Variants in TSPAN18 observed in about 807,000 individuals in gnomAD.
The protein encoded by TSPAN18 is tetraspanin-18.
TSPAN18 carries 14 observed loss-of-function variants against 27.3 expected under a neutral mutation model. The ratio of observed to expected loss-of-function variants is 0.51; its 90% confidence interval spans 0.34 to 0.80. TSPAN18 has a LOEUF of 0.80. Among genes scored for constraint, TSPAN18 ranks in the 30% least tolerant of loss-of-function variants. The pLI, the probability that TSPAN18 is intolerant of heterozygous loss-of-function variation, is 0.01. For missense variants in TSPAN18, 268 were observed against 323.9 expected, an observed-to-expected ratio of 0.83 and a Z score of 1.32; for synonymous variants, 143 against 136.5, an observed-to-expected ratio of 1.05 and a Z score of -0.33.
At chr11:44,897,432 C>T (rs1473387373) in intron 3 of TSPAN18, among the ~76,000 whole-genome samples, 2 of 152,204 alleles carry the variant, frequency 1.3e-5, no homozygotes. Context: ...ATCATCTCCT[C>T]CCAGGCCATC....
chr11:44,783,315 ACT>A (rs1185149760), intron 2 of TSPAN18, among the ~76,000 whole-genome samples: 6 of 152,204 alleles, frequency 3.9e-5, no homozygotes, highest in Admixed American at 3.3e-4. Flanking sequence ...ATCGAAACAC[ACT>A]GTTAGGAAAA....
At chr11:44,836,333 C>T (rs115832880) in intron 2 of TSPAN18, among the ~76,000 whole-genome samples, 3,471 of 152,294 alleles carry the variant, frequency 0.023, 133 homozygotes, top group African/African-American at 0.077. Context: ...ACAAAATTCT[C>T]GTAAGCCAAA....
chr11:44,846,760 C>A lies in TSPAN18; in HGVS notation c.-152-13568C>A, dbSNP rs73452552. ...TACAGCCTCTCCAGGTAGGAAGGTGCCCCTTTGTCAGGGAAGTTCTTCTCC... is the reference window on the plus strand; with the variant it reads ...TACAGCCTCTCCAGGTAGGAAGGTGACCCTTTGTCAGGGAAGTTCTTCTCC... On this transcript the variant is annotated intron_variant, in intron 2 of 9. Transcript: ENST00000520358. Among the ~76,000 whole-genome samples, 168 of 152,268 alleles carry A rather than the reference C, an allele frequency of 1.1e-3. 1 individual carries two copies. Among genetic ancestry groups the A allele is most frequent in the African/African-American group, 4.0e-3 (166 of 41,544 alleles).
At chr11:44,783,523 C>T (rs541232649) in intron 2 of TSPAN18, among the ~76,000 whole-genome samples, 1 of 152,016 alleles carries the variant, frequency 6.6e-6, no homozygotes, top group African/African-American at 2.4e-5. Context: ...CTCAGCCTCC[C>T]GAGTAGCTGG....
At chr11:44,916,243 C>T (rs779756343) in intron 5 of TSPAN18, among the ~76,000 whole-genome samples, 1 of 152,218 alleles carries the variant, frequency 6.6e-6, no homozygotes, top group African/African-American at 2.4e-5. Context: ...AGAAGGCAGC[C>T]GCTGTGGATG....
intron 1 of TSPAN18, among the ~76,000 whole-genome samples, chr11:44,748,206 G>A (rs571665756): frequency 1.3e-5 from 2 of 152,254 alleles, no homozygotes; most frequent in Non-Finnish European, 2.9e-5. Context: ...CCAGGAGTTC[G>A]AAGCCAGCCT....
At chr11:44,826,961 G>A (rs1296074607) in intron 2 of TSPAN18, among the ~76,000 whole-genome samples, 1 of 152,214 alleles carries the variant, frequency 6.6e-6, no homozygotes, top group African/African-American at 2.4e-5. Context: ...GGGGGCAGGA[G>A]GGACTCTGTC....
intron 6 of TSPAN18, 93 bp downstream of exon 6, chr11:44,918,139 C>T: frequency 7.6e-7 from 1 of 1,317,262 alleles, no homozygotes; most frequent in Non-Finnish European, 1.1e-6. Flanking sequence ...TGAAGGGTCT[C>T]AGAGAGTGGG....
chr11:44,872,824 TAG>T (rs1858231656), intron 3 of TSPAN18, among the ~76,000 whole-genome samples: 1 of 152,164 alleles, frequency 6.6e-6, no homozygotes, highest in Non-Finnish European at 1.5e-5. Context: ...AATAATATTA[TAG>T]TTAATATTAA....
intron 8 of TSPAN18, among the ~76,000 whole-genome samples, chr11:44,923,682 C>A (rs1393208649): frequency 6.6e-6 from 1 of 152,182 alleles, no homozygotes; most frequent in Non-Finnish European, 1.5e-5. Flanking sequence ...TCCTCCCTCC[C>A]TTTTCTTGTG....
intron 5 of TSPAN18, among the ~76,000 whole-genome samples, chr11:44,917,426 G>A (rs1590688579): frequency 6.6e-6 from 1 of 152,192 alleles, no homozygotes; most frequent in Non-Finnish European, 1.5e-5. Context: ...TTGAGATTTG[G>A]TAGTCATACC....
At chr11:44,861,249 G>A (rs1325232149) in intron 3 of TSPAN18, among the ~76,000 whole-genome samples, 1 of 151,866 alleles carries the variant, frequency 6.6e-6, no homozygotes, top group African/African-American at 2.4e-5. Flanking sequence ...TTTCCCAGGC[G>A]GTCCAACAAA....
At chr11:44,890,728 G>A (rs1022817784) in intron 3 of TSPAN18, among the ~76,000 whole-genome samples, 13 of 121,954 alleles carry the variant, frequency 1.1e-4, no homozygotes, top group African/African-American at 4.2e-4. Flanking sequence ...TGGCAACAGA[G>A]CAAGACTCCA....
At chr11:44,894,472 G>T (rs80296037) in intron 3 of TSPAN18, among the ~76,000 whole-genome samples, 7,803 of 152,226 alleles carry the variant, frequency 0.051, 270 homozygotes, top group Non-Finnish European at 0.074. Flanking sequence ...GCCTGGGGGC[G>T]GGGGGGAGTG....
intron 2 of TSPAN18, among the ~76,000 whole-genome samples, chr11:44,814,105 T>C (rs1193917364): frequency 6.6e-6 from 1 of 152,194 alleles, no homozygotes; most frequent in Non-Finnish European, 1.5e-5. Context: ...AAATGCCTCA[T>C]TGTTTGTGGC....
At chr11:44,802,624 C>T (rs1045199743) in intron 2 of TSPAN18, among the ~76,000 whole-genome samples, 4 of 151,364 alleles carry the variant, frequency 2.6e-5, no homozygotes, top group African/African-American at 9.7e-5. Context: ...CACACACACA[C>T]ACACACACAC....
chr11:44,886,665 G>C (rs1457026946), intron 3 of TSPAN18: 1 of 152,216 alleles, frequency 6.6e-6, no homozygotes, highest in Admixed American at 6.5e-5. Context: ...ACTTAAGGAG[G>C]AGACGTGGGA....
At chr11:44,729,362 G>T (rs553650496) in intron 1 of TSPAN18, among the ~76,000 whole-genome samples, 9 of 152,136 alleles carry the variant, frequency 5.9e-5, no homozygotes, top group East Asian at 3.8e-4. Context: ...GGAGCATGGG[G>T]CCCCTAGAAG....
At chr11:44,875,313 C>T (rs551104456) in intron 3 of TSPAN18, among the ~76,000 whole-genome samples, 9 of 152,294 alleles carry the variant, frequency 5.9e-5, no homozygotes, top group Admixed American at 2.0e-4. Flanking sequence ...GTGGGCATTT[C>T]GGTGGGAAAG....
Sources: gnomAD v4.1 joint callset for allele counts (sites outside exome capture counted in the v4.1 genomes callset) on GRCh38, gnomAD v4.1.1 for gene constraint, MANE v1.5 for transcripts, NCBI Gene and HGNC (gene_info 2026-07-23, HGNC 2026-07-21) for gene names.